MAD1L1: variants seen among roughly 807,000 people sequenced by gnomAD.
The protein encoded by MAD1L1 is mitotic spindle assembly checkpoint protein MAD1.
A neutral mutation model predicts 96.9 loss-of-function variants in MAD1L1; 95 were observed. The ratio of observed to expected loss-of-function variants is 0.98; its 90% confidence interval spans 0.83 to 1.16. The LOEUF is 1.16. Among genes scored for constraint, MAD1L1 ranks in the 50% most tolerant of loss-of-function variants. The pLI is 0.00. For synonymous variants in MAD1L1, 473 were observed against 396.6 expected (o/e 1.19, Z -2.29); for missense variants, 1,007 against 954.4 (o/e 1.06, Z -0.73).
intron 10 of MAD1L1, among the ~76,000 whole-genome samples, chr7:2,180,434 T>C (rs924647485): frequency 6.6e-6 from 1 of 152,222 alleles, no homozygotes; most frequent in Non-Finnish European, 1.5e-5. Context: ...GCCTAAAGCA[T>C]GCCGAACTTC....
At chr7:1,840,019 C>T (rs889902481) in intron 18 of MAD1L1, among the ~76,000 whole-genome samples, 12 of 152,232 alleles carry the variant, frequency 7.9e-5, no homozygotes, top group South Asian at 2.1e-4. Flanking sequence ...GCACCTGCAG[C>T]GGGGCCCAGC....
rs376770465 is a variant in MAD1L1, at chr7:2,060,959, G to A, written c.1218+8235C>T. On this transcript the variant is annotated intron_variant, in intron 12 of 18. Transcript: ENST00000265854. Reference sequence around the variant, plus strand: ...AGTGAAAAAGCAAACCACAGGCTACGAGAAGATAACTAAATACGTTTCAAC... The same window carrying A: ...AGTGAAAAAGCAAACCACAGGCTACAAGAAGATAACTAAATACGTTTCAAC... Among the ~76,000 whole-genome samples, 25 of 152,324 alleles carry A rather than the reference G, an allele frequency of 1.6e-4. 1 individual carries two copies. Among genetic ancestry groups the A allele is most frequent in the Admixed American group, 1.0e-3 (16 of 15,306 alleles).
intron 12 of MAD1L1, among the ~76,000 whole-genome samples, chr7:2,059,498 G>A (rs572894794): frequency 1.3e-5 from 2 of 151,050 alleles, no homozygotes; most frequent in East Asian, 3.9e-4. Flanking sequence ...CCAGAGGAGA[G>A]GAAAGGTGCG....
chr7:2,022,151 C>T (rs1015624271), intron 12 of MAD1L1, among the ~76,000 whole-genome samples: 1 of 151,992 alleles, frequency 6.6e-6, no homozygotes, highest in South Asian at 2.1e-4. Flanking sequence ...ATCTAATGGA[C>T]GATTGTTTGA....
chr7:2,119,252 T>A lies in MAD1L1; in HGVS notation c.1073+29900A>T, dbSNP rs899973075. On this transcript the variant is annotated intron_variant, in intron 11 of 18. Coordinates refer to ENST00000265854, the MANE Select transcript of MAD1L1 (RefSeq NM_001013836.2). This position sits in a 1 kb window ranked among gnomAD's most constrained non-coding sequence, Gnocchi z 4.6. ...CTCTCCATTATCCCCCCAAAACAAGTGACCAAAGGAGTGCCCCGCCCCTGG... is the reference window on the plus strand; with the variant it reads ...CTCTCCATTATCCCCCCAAAACAAGAGACCAAAGGAGTGCCCCGCCCCTGG... Among the ~76,000 whole-genome samples, 10 of 151,992 alleles carry A rather than the reference T, an allele frequency of 6.6e-5. No homozygotes were observed. In the East Asian group the frequency reaches 1.9e-3, roughly 29 times the overall value.
At chr7:1,849,078 G>GCACACA (rs879477549) in intron 18 of MAD1L1, 50,328 of 147,434 alleles carry the variant, frequency 0.34, 8,771 homozygotes, top group East Asian at 0.43. Flanking sequence ...ACACACAAAT[G>GCACACA]CACATGCACG....
In MAD1L1 at chr7:2,159,629, A is replaced by G. The variant is rs3779007; in HGVS notation, c.987-10391T>C. ...CAATAATACGTTTTCAATAAATACTAAGAGAATGAGCAAAAAAAATCATAT... is the reference window on the plus strand; with the variant it reads ...CAATAATACGTTTTCAATAAATACTGAGAGAATGAGCAAAAAAAATCATAT... On this transcript the variant is annotated intron_variant, in intron 10 of 18. Transcript: ENST00000265854. 6.5e-3 allele frequency among the ~76,000 whole-genome samples: 983 copies of G among 152,342 alleles called. 33 individuals carry two copies. The highest frequency in any genetic ancestry group is 0.058 in the Admixed American group (887 of 15,302).
intron 11 of MAD1L1, among the ~76,000 whole-genome samples, chr7:2,099,639 A>G (rs73038440): frequency 0.027 from 4,123 of 152,152 alleles, 98 homozygotes; most frequent in South Asian, 0.09. Context: ...CTCAGAAGTC[A>G]GCACTGGGAG....
intron 18 of MAD1L1, among the ~76,000 whole-genome samples, chr7:1,887,860 C>CCTGG (rs1562491920): frequency 0.048 from 877 of 18,440 alleles, 13 homozygotes; most frequent in African/African-American, 0.24. Flanking sequence ...TGTGTGTGTG[C>CCTGG]ACGTGTGTGT....
At chr7:1,891,399 C>G (rs138212884) in intron 18 of MAD1L1, among the ~76,000 whole-genome samples, 2,792 of 152,014 alleles carry the variant, frequency 0.018, 75 homozygotes, top group African/African-American at 0.063. Flanking sequence ...GGTGGCGCAC[C>G]CCTGTAATGC....
chr7:1,870,909 C>G (rs1396145406), intron 18 of MAD1L1, among the ~76,000 whole-genome samples: 1 of 149,848 alleles, frequency 6.7e-6, no homozygotes, highest in Non-Finnish European at 1.5e-5. Context: ...TACCGTAACA[C>G]CTGCCACGCT....
chr7:1,898,149 G>A (rs1287061462), intron 18 of MAD1L1, 51 bp downstream of exon 18: 1 of 1,521,896 alleles, frequency 6.6e-7, no homozygotes, highest in Non-Finnish European at 8.9e-7. Flanking sequence ...TCTCCCCACA[G>A]GAGGAGACAG....
At chr7:1,949,169 C>T (rs1223917909) in intron 16 of MAD1L1, among the ~76,000 whole-genome samples, 2 of 152,206 alleles carry the variant, frequency 1.3e-5, no homozygotes, top group African/African-American at 2.4e-5. Context: ...TGACACTCTG[C>T]GGTCCAGAGT....
chr7:1,983,154 G>GCACA (rs976027470), intron 14 of MAD1L1, among the ~76,000 whole-genome samples: 28 of 31,486 alleles, frequency 8.9e-4, no homozygotes, highest in African/African-American at 3.0e-3. Context: ...GCGCGCGCGC[G>GCACA]CACACACACA....
intron 18 of MAD1L1, among the ~76,000 whole-genome samples, chr7:1,829,160 G>A (rs1287693198): frequency 1.3e-5 from 2 of 152,268 alleles, no homozygotes; most frequent in East Asian, 1.9e-4. Flanking sequence ...CCTGGAGGCA[G>A]GCTGGTGGCA....
At chr7:2,127,704 C>T (rs1252356272) in intron 11 of MAD1L1, among the ~76,000 whole-genome samples, 2 of 152,148 alleles carry the variant, frequency 1.3e-5, no homozygotes. Context: ...CCCGCAGGAA[C>T]CCACCTGCAA....
intron 12 of MAD1L1, among the ~76,000 whole-genome samples, chr7:2,061,993 C>T (rs1784679780): frequency 1.3e-5 from 2 of 152,142 alleles, no homozygotes; most frequent in African/African-American, 4.8e-5. Context: ...GTAATCCCAG[C>T]ACTTTGGGAG....
intron 11 of MAD1L1, among the ~76,000 whole-genome samples, chr7:2,080,179 G>A (rs1166550334): frequency 6.6e-6 from 1 of 152,244 alleles, no homozygotes. Context: ...TGGTTGTAAG[G>A]AAAGTTTTCC....
rs571762017 is a variant in MAD1L1 at position 1,950,477 on chromosome 7, C to T, written c.1596+7152G>A. On this transcript the variant is annotated intron_variant, in intron 16 of 18. Transcript: ENST00000265854. ...GCTGGTAATCACCCGCTGACTTCCA[C>T]CCGAGTCCTTCAGAAGGTAATCTGC... 1.2e-4 allele frequency among the ~76,000 whole-genome samples: 19 copies of T among 152,358 alleles called. No homozygotes were observed. The South Asian group carries it at 3.9e-3, about 32-fold the overall frequency.
Sources: allele counts gnomAD v4.1 joint callset (sites outside exome capture counted in the v4.1 genomes callset), GRCh38; gene constraint gnomAD v4.1.1; non-coding constraint Gnocchi (gnomAD v3.1); transcripts MANE v1.5; gene names NCBI Gene and HGNC (gene_info 2026-07-23, HGNC 2026-07-21).